SH3RF2: variants seen among roughly 807,000 people sequenced by gnomAD.
The protein encoded by SH3RF2 is SH3 domain containing ring finger 2.
SH3RF2 carries 43 observed loss-of-function variants against 59.0 expected under a neutral mutation model. The ratio of observed to expected loss-of-function variants is 0.73; its 90% confidence interval spans 0.57 to 0.94. The LOEUF (loss-of-function observed/expected upper bound fraction) is 0.94. Ranked by LOEUF, SH3RF2 falls within the 40% of genes least tolerant of loss-of-function variation. SH3RF2 has a pLI of 0.00. For missense variants in SH3RF2, 930 were observed against 940.1 expected (o/e 0.99, Z 0.14); for synonymous variants, 391 against 391.5 (o/e 1.00, Z 0.01).
intron 5 of SH3RF2, among the ~76,000 whole-genome samples, chr5:146,035,241 A>G (rs181002218): frequency 6.6e-6 from 1 of 152,334 alleles, no homozygotes; most frequent in Admixed American, 6.5e-5. Flanking sequence ...AAAATAAGAG[A>G]CAACAAACAC....
At chr5:146,004,912 A>G (rs1760578614) in intron 4 of SH3RF2, among the ~76,000 whole-genome samples, 1 of 152,126 alleles carries the variant, frequency 6.6e-6, no homozygotes, top group African/African-American at 2.4e-5. Context: ...TCAGAAGGTA[A>G]ATTTCATGTT....
chr5:145,942,508 C>T (rs6869382), intron 2 of SH3RF2, among the ~76,000 whole-genome samples: 63,744 of 151,972 alleles, frequency 0.42, 14,510 homozygotes, highest in African/African-American at 0.6. Flanking sequence ...GGGAATGAGG[C>T]TGGGTAGAAA....
At chr5:145,992,324 G>A (rs1010247431) in intron 2 of SH3RF2, among the ~76,000 whole-genome samples, 1 of 152,152 alleles carries the variant, frequency 6.6e-6, no homozygotes, top group African/African-American at 2.4e-5. Flanking sequence ...CAGAGGCCAA[G>A]ACCATGACAC....
intron 2 of SH3RF2, among the ~76,000 whole-genome samples, chr5:145,940,438 A>AC (rs1175962730): frequency 6.6e-6 from 1 of 152,182 alleles, no homozygotes; most frequent in African/African-American, 2.4e-5. Context: ...CTTTTTTGCA[A>AC]CCATGAAAGC....
intron 2 of SH3RF2, among the ~76,000 whole-genome samples, chr5:145,969,453 C>T (rs999756255): frequency 1.3e-5 from 2 of 152,092 alleles, no homozygotes; most frequent in Non-Finnish European, 2.9e-5. Context: ...AGGCAGGTCC[C>T]AGATACCCCT....
intron 2 of SH3RF2, among the ~76,000 whole-genome samples, chr5:145,988,252 G>A (rs1440972435): frequency 6.6e-6 from 1 of 151,450 alleles, no homozygotes; most frequent in African/African-American, 2.4e-5. Context: ...CCCCTCCAGA[G>A]GTCAAGCTTC....
At chr5:146,021,669 A>C (rs572443662) in intron 5 of SH3RF2, among the ~76,000 whole-genome samples, 1 of 152,372 alleles carries the variant, frequency 6.6e-6, no homozygotes, top group Non-Finnish European at 1.5e-5. Context: ...TTTCACAGGC[A>C]GGTGGCTGAA....
intron 5 of SH3RF2, among the ~76,000 whole-genome samples, chr5:146,028,985 T>C (rs1045917760): frequency 6.6e-6 from 1 of 152,066 alleles, no homozygotes; most frequent in Non-Finnish European, 1.5e-5. Context: ...CAGAGAAACA[T>C]ACATATGTAG....
intron 2 of SH3RF2, among the ~76,000 whole-genome samples, chr5:145,959,772 A>G (rs1464281603): frequency 6.6e-6 from 1 of 152,006 alleles, no homozygotes; most frequent in Non-Finnish European, 1.5e-5. Context: ...CCTTGCAGGA[A>G]CAATGCCCCA....
chr5:145,969,483 G>A (rs1013246222), intron 2 of SH3RF2, among the ~76,000 whole-genome samples: 1 of 152,190 alleles, frequency 6.6e-6, no homozygotes, highest in Non-Finnish European at 1.5e-5. Flanking sequence ...AGTGGTGATG[G>A]AAAAGAGGCA....
intron 5 of SH3RF2, among the ~76,000 whole-genome samples, chr5:146,034,879 G>C (rs1761875810): frequency 6.6e-6 from 1 of 152,318 alleles, no homozygotes; most frequent in East Asian, 1.9e-4. Flanking sequence ...GGCCAAGGCA[G>C]GTGAATCACT....
At chr5:145,983,724 A>G (rs552137604) in intron 2 of SH3RF2, among the ~76,000 whole-genome samples, 24 of 152,174 alleles carry the variant, frequency 1.6e-4, no homozygotes, top group Admixed American at 1.4e-3. Context: ...TTTGTCACTC[A>G]TCATGGTTGC....
At chr5:145,986,534 G>A (rs994274773) in intron 2 of SH3RF2, among the ~76,000 whole-genome samples, 5 of 152,130 alleles carry the variant, frequency 3.3e-5, no homozygotes, top group Admixed American at 6.6e-5. Flanking sequence ...AGGCTCCCAC[G>A]TACCCCTTGC....
At chr5:146,049,597 C>G (rs1317392880) in intron 7 of SH3RF2, among the ~76,000 whole-genome samples, 3 of 152,052 alleles carry the variant, frequency 2.0e-5, no homozygotes, top group Non-Finnish European at 4.4e-5. Context: ...AACCCCACTT[C>G]ACATCCTCTA....
At chr5:146,037,747 T>C (rs1224764681) in intron 5 of SH3RF2, among the ~76,000 whole-genome samples, 3 of 152,226 alleles carry the variant, frequency 2.0e-5, no homozygotes, top group Non-Finnish European at 4.4e-5. Flanking sequence ...GTGAGTTCTT[T>C]CACACTTTCA....
At chr5:145,972,309 C>T (rs1220902564) in intron 2 of SH3RF2, among the ~76,000 whole-genome samples, 2 of 152,178 alleles carry the variant, frequency 1.3e-5, no homozygotes, top group Non-Finnish European at 1.5e-5. Flanking sequence ...GGGGAATATT[C>T]CAGCATCCCA....
intron 2 of SH3RF2, among the ~76,000 whole-genome samples, chr5:145,977,828 C>T (rs546602307): frequency 1.8e-4 from 28 of 152,306 alleles, no homozygotes; most frequent in South Asian, 4.1e-4. Flanking sequence ...TGTTCCCTAA[C>T]GTAGCTCCTG....
intron 2 of SH3RF2, among the ~76,000 whole-genome samples, chr5:145,939,049 A>G (rs1178008181): frequency 6.6e-6 from 1 of 152,230 alleles, no homozygotes; most frequent in African/African-American, 2.4e-5. Flanking sequence ...ATGTTTGGAT[A>G]ATGGGAATCG....
At chr5:145,939,599 T>G (rs1331996322) in intron 2 of SH3RF2, among the ~76,000 whole-genome samples, 1 of 152,194 alleles carries the variant, frequency 6.6e-6, no homozygotes, top group Non-Finnish European at 1.5e-5. Context: ...TTATTGCCAT[T>G]GTGCTTGTAA....
Sources: allele counts gnomAD v4.1 joint callset (sites outside exome capture counted in the v4.1 genomes callset), GRCh38; gene constraint gnomAD v4.1.1; transcripts MANE v1.5; gene names NCBI Gene and HGNC (gene_info 2026-07-23, HGNC 2026-07-21).